Variants in RNH1 observed in about 807,000 individuals in gnomAD.
RNH1 encodes the protein ribonuclease inhibitor.
In RNH1, 38 loss-of-function variants were observed where a neutral mutation model predicts 46.1. That is an observed-to-expected ratio of 0.82 (90% CI 0.64 to 1.08). The LOEUF (loss-of-function observed/expected upper bound fraction) is 1.08. RNH1 is among the 50% of genes least tolerant of loss of function. The pLI is 0.00. For missense variants in RNH1, 577 were observed against 590.7 expected (o/e 0.98, Z 0.24); for synonymous variants, 319 against 279.1 (o/e 1.14, Z -1.43).
At chr11:497,883 C>A in intron 9 of RNH1, 88 bp downstream of exon 9, 1 of 1,387,798 alleles carries the variant, frequency 7.2e-7, no homozygotes, top group South Asian at 1.3e-5. Context: ...CTCGTGCTCA[C>A]ACAGATACTC....
chr11:496,533 G>A (rs1167126096), intron 9 of RNH1, among the ~76,000 whole-genome samples: 1 of 152,204 alleles, frequency 6.6e-6, no homozygotes, highest in Non-Finnish European at 1.5e-5. Flanking sequence ...GCCTGGTGTG[G>A]TGACGGGCGC....
intron 1 of RNH1, chr11:505,874 C>CA (rs1850226668): frequency 8.5e-6 from 1 of 118,094 alleles, no homozygotes; most frequent in African/African-American, 3.3e-5. Flanking sequence ...CCTAATGTAA[C>CA]TTTTTTTTTT....
chr11:501,884 A>G lies in RNH1; in HGVS notation c.101+178T>C, dbSNP rs1282505401. Reference sequence around the variant, plus strand: ...TGCATGAGCCTGGAATGGGTTTTACATTCCTAAATTGTCAAAAAGAAACAC... The same window carrying G: ...TGCATGAGCCTGGAATGGGTTTTACGTTCCTAAATTGTCAAAAAGAAACAC... On this transcript the variant is annotated intron_variant, in intron 3 of 10. Transcript: ENST00000354420. The surrounding 1 kb of genome is among the most constrained non-coding windows in gnomAD (Gnocchi z 4.1). 5 of 604,770 alleles carry G rather than the reference A, an allele frequency of 8.3e-6. No homozygotes were observed. The highest frequency in any genetic ancestry group is 7.4e-5 in the African/African-American group (4 of 54,074). The allele number at this position is 604,770 out of a possible 1,614,324, so 37.5% of individuals were successfully genotyped here.
rs201659542 is a variant in RNH1, at chr11:498,002, C to T, written c.1096G>A (p.Gly366Ser). 1.0e-4 allele frequency: 161 copies of T among 1,613,880 alleles called. No homozygotes were observed. Among genetic ancestry groups the T allele is most frequent in the Non-Finnish European group, 1.3e-4 (153 of 1,179,976 alleles). Residue 366 changes from glycine to serine, a missense_variant, in exon 9 of 11, where the codon GGC (glycine) becomes AGC (serine). Transcript: ENST00000354420. ...ACCCGCAGCACAGAGCCAGGCTGGC[C>T]CAGGCCCTGGCACAGCTCCCGCACG... ...AGVRELCQGLGQPGSVLRVLW... is the reference protein window; with the variant it reads ...AGVRELCQGLSQPGSVLRVLW...
rs563928074 is a variant in RNH1 at position 501,152 on chromosome 11, G to C, written c.102-498C>G. The C allele has an allele frequency of 3.5e-6, 1 of 288,728 alleles. No homozygotes were observed. The highest frequency in any genetic ancestry group is 6.8e-6 in the Non-Finnish European group (1 of 147,408). The allele number at this position is 288,728 out of a possible 1,614,324, so 17.9% of individuals were successfully genotyped here. A position where few individuals can be genotyped will look rare whatever the true frequency, so the allele number is the denominator to read the frequency against. Reference sequence around the variant, plus strand: ...ATAAAAAGAATTTAAAGTATCTCTCGAAGGCACTGATCAGTCACAGGAGGA... The same window carrying C: ...ATAAAAAGAATTTAAAGTATCTCTCCAAGGCACTGATCAGTCACAGGAGGA... On this transcript the variant is annotated intron_variant, in intron 3 of 10. Coordinates refer to ENST00000354420, the MANE Select transcript of RNH1 (RefSeq NM_203387.3). The surrounding 1 kb of genome is among the most constrained non-coding windows in gnomAD (Gnocchi z 4.1).
chr11:505,083 T>A (rs1180743929), intron 1 of RNH1, 87 bp from the exon 2 acceptor site: 1 of 152,144 alleles, frequency 6.6e-6, no homozygotes, highest in Admixed American at 6.6e-5. Flanking sequence ...TTAAATGTAT[T>A]TCATTAATGC....
At chr11:499,697 A>G in intron 5 of RNH1, 132 bp downstream of exon 5, 1 of 1,084,842 alleles carries the variant, frequency 9.2e-7, no homozygotes, top group Non-Finnish European at 1.4e-6. Context: ...TCATGGGGAA[A>G]GGAGAGCACC....
chr11:498,478 C>G lies in RNH1; in HGVS notation c.935G>C (p.Gly312Ala). 1 of 1,612,942 alleles carries G rather than the reference C, an allele frequency of 6.2e-7. No individual in the cohort carries two copies. Among genetic ancestry groups the G allele is most frequent in the South Asian group, 1.1e-5 (1 of 91,074 alleles). ...RLLCETLLEP[G>A]CQLESLWVKS... ...TCACCACAGCGACTCCAGCTGGCAG[C>G]CAGGTTCCAGCAGGGTCTCACACAG... Residue 312 changes from glycine to alanine, a missense_variant, in exon 8 of 11, where the codon GGC (glycine) becomes GCC (alanine). Physicochemically the swap from Gly to Ala is moderately conservative, Grantham distance 60. Coordinates refer to ENST00000354420, the MANE Select transcript of RNH1 (RefSeq NM_203387.3).
chr11:501,862 A>G lies in RNH1; in HGVS notation c.101+200T>C, dbSNP rs936042533. The G allele has an allele frequency of 1.7e-6, 1 of 590,186 alleles. No individual in the cohort carries two copies. Among genetic ancestry groups the G allele is most frequent in the Non-Finnish European group, 3.0e-6 (1 of 329,384 alleles). The allele number at this position is 590,186 out of a possible 1,614,324, so 36.6% of individuals were successfully genotyped here. ...GCCCGCCCACCTCAGCCCATGCTGC[A>G]TGAGCCTGGAATGGGTTTTACATTC... On this transcript the variant is annotated intron_variant, in intron 3 of 10. Coordinates refer to ENST00000354420, the MANE Select transcript of RNH1 (RefSeq NM_203387.3). The surrounding 1 kb of genome is among the most constrained non-coding windows in gnomAD (Gnocchi z 4.1).
chr11:494,718 G>C lies in RNH1; in HGVS notation c.1359C>G (p.Asp453Glu), dbSNP rs761707766. ...AGGAGATGACCCTCAGGGATGGCTT[G>C]TCCTTCTCCAGGGCCTGCAGCCGGT... ...MEDRLQALEK[D>E]KPSLRVIS Residue 453 changes from aspartate (D) to glutamate (E), a missense_variant, in exon 11 of 11, where the codon GAC becomes GAG. By Grantham distance (45) the Asp-to-Glu change is conservative. Coordinates refer to ENST00000354420, the MANE Select transcript of RNH1 (RefSeq NM_203387.3). 1 of 1,613,862 alleles carries C rather than the reference G, an allele frequency of 6.2e-7. No individual in the cohort carries two copies. Among genetic ancestry groups the C allele is most frequent in the Non-Finnish European group, 8.5e-7 (1 of 1,179,962 alleles).
At chr11:498,343 A>G in intron 8 of RNH1, 114 bp downstream of exon 8, 1 of 1,412,604 alleles carries the variant, frequency 7.1e-7, no homozygotes, top group Non-Finnish European at 9.6e-7. Flanking sequence ...TGCATTCTGA[A>G]GGTCGGAGCT....
At position 499,177 on chromosome 11, in the gene RNH1, T is replaced by C. The variant is rs960535219; in HGVS notation, c.452A>G (p.Tyr151Cys). ...QCRLEKLQLE[Y>C]CSLSAASCEP... ...GCAGCTGGCAGCCGAGAGGCTGCAA[T>C]ACTCCAGCCTGGGGGACAGCAGAGC... The change falls in exon 6 of 11, where the codon TAT becomes TGT. Residue 151 changes from tyrosine (Y) to cysteine (C), a missense_variant. Physicochemically the swap from Tyr to Cys is radical, Grantham distance 194. Coordinates refer to ENST00000354420, the MANE Select transcript of RNH1 (RefSeq NM_203387.3). The C allele has an allele frequency of 1.2e-6, 2 of 1,612,252 alleles. No individual in the cohort carries two copies. Among genetic ancestry groups the C allele is most frequent in the African/African-American group, 1.3e-5 (1 of 74,962 alleles).
In RNH1 at chr11:501,736, G is replaced by A. The variant is rs750020219; in HGVS notation, c.101+326C>T. 30 of 324,946 alleles carry A rather than the reference G, an allele frequency of 9.2e-5. No homozygotes were observed. The highest frequency in any genetic ancestry group is 1.3e-4 in the Non-Finnish European group (22 of 172,442). The allele number at this position is 324,946 out of a possible 1,614,324, so 20.1% of individuals were successfully genotyped here. On this transcript the variant is annotated intron_variant, in intron 3 of 10. Coordinates refer to ENST00000354420, the MANE Select transcript of RNH1 (RefSeq NM_203387.3). This position sits in a 1 kb window ranked among gnomAD's most constrained non-coding sequence, Gnocchi z 4.1. ...CAAGCAGCGCCCCATGGAGGCTCAC[G>A]GAGGGGACCCAAGCTGTGTCCTGCC...
rs779310575 is a variant in RNH1, at chr11:500,614, T to C, written c.142A>G (p.Ile48Val). ...CGLTEARCKDISSALRVNPAL... is the reference protein window; with the variant it reads ...CGLTEARCKDVSSALRVNPAL... ...GGGTTGACTCGAAGTGCAGAGCTGA[T>C]GTCCTTGCACCGTGCTTCCGTGAGG... The change falls in exon 4 of 11, where the codon ATC becomes GTC. Residue 48 changes from isoleucine (I) to valine (V), a missense_variant. Ile to Val is a conservative substitution (Grantham distance 29). Coordinates refer to ENST00000354420, the MANE Select transcript of RNH1 (RefSeq NM_203387.3). 6 of 1,609,292 alleles carry C rather than the reference T, an allele frequency of 3.7e-6. No homozygotes were observed. Among genetic ancestry groups the C allele is most frequent in the Non-Finnish European group, 5.1e-6 (6 of 1,179,958 alleles).
chr11:500,935 C>A (rs902735706), intron 3 of RNH1: 12 of 506,572 alleles, frequency 2.4e-5, no homozygotes, highest in Non-Finnish European at 4.0e-5. Context: ...TCAAGACCAA[C>A]CTGACCAACA....
rs764346368 is a variant in RNH1, at chr11:500,502, C to T, written c.254G>A (p.Cys85Tyr). ...CVLQGLQTPS[C>Y]KIQKLSLQNC... The stretch of plus-strand genomic sequence containing the variant: ...GCCTCACCTCAGCTTCTGGATCTTG[C>T]AGGAGGGGGTCTGCAGGCCCTGGAG... Residue 85 changes from cysteine to tyrosine, a missense_variant, in exon 4 of 11, where the codon TGC (cysteine) becomes TAC (tyrosine). Physicochemically the swap from Cys to Tyr is radical, Grantham distance 194. Coordinates refer to ENST00000354420, the MANE Select transcript of RNH1 (RefSeq NM_203387.3). 1.9e-6 allele frequency: 3 copies of T among 1,608,014 alleles called. No homozygotes were observed. The highest frequency in any genetic ancestry group is 3.3e-5 in the Admixed American group (2 of 59,996).
intron 8 of RNH1, 100 bp downstream of exon 8, chr11:498,357 C>T (rs914691816): frequency 2.0e-5 from 29 of 1,484,624 alleles, no homozygotes; most frequent in Non-Finnish European, 2.6e-5. Flanking sequence ...CGGAGCTGAG[C>T]CCAGCAGCTT....
chr11:497,903 C>T (rs139940824), intron 9 of RNH1, 68 bp downstream of exon 9: 151 of 1,531,806 alleles, frequency 9.9e-5, no homozygotes, highest in Middle Eastern at 4.3e-4. Context: ...CGTGCACTCT[C>T]GCCCTTGTGT....
intron 2 of RNH1, chr11:503,385 C>G (rs12419716): frequency 0.098 from 14,853 of 152,308 alleles, 1,000 homozygotes; most frequent in Admixed American, 0.19. Context: ...GTCCACTCTG[C>G]ATGAGTGGAG....
Sources: allele counts gnomAD v4.1 joint callset (sites outside exome capture counted in the v4.1 genomes callset), GRCh38; gene constraint gnomAD v4.1.1; non-coding constraint Gnocchi (gnomAD v3.1); transcripts MANE v1.5; gene names NCBI Gene and HGNC (gene_info 2026-07-23, HGNC 2026-07-21).